GPC3: variants seen among roughly 807,000 people sequenced by gnomAD.
GPC3 encodes the protein glypican 3, also known as glypican-3.
Under a neutral mutation model 34.4 loss-of-function variants are expected in GPC3, and 3 were observed. The observed-to-expected ratio is 0.09, with a 90% confidence interval of 0.04 to 0.23. GPC3 has a LOEUF of 0.23. GPC3 is among the 10% of genes least tolerant of loss of function. The pLI is 1.00. For synonymous variants in GPC3, 177 were observed against 174.0 expected (o/e 1.02, Z -0.13); for missense variants, 351 against 445.6 (o/e 0.79, Z 1.91).
At chrX:133,701,553 G>A in intron 3 of GPC3, among the ~76,000 whole-genome samples, 1 of 112,493 alleles carries the variant, frequency 8.9e-6, no homozygotes, top group Non-Finnish European at 1.9e-5. Context: ...TGAATATATG[G>A]ACTGTAAACT....
At chrX:133,962,375 T>C (rs951186077) in intron 1 of GPC3, among the ~76,000 whole-genome samples, 14 of 111,941 alleles carry the variant, frequency 1.3e-4, no homozygotes, top group South Asian at 3.8e-4. Context: ...AAGGGGCCCA[T>C]TGTAGTTTGG....
rs2069290892 is a variant in GPC3 at position 133,536,267 on chromosome X, C to T, written c.1600G>A (p.Asp534Asn). Residue 534 changes from aspartate to asparagine, a missense_variant, in exon 8 of 8, where the codon GAT (aspartate) becomes AAT (asparagine). Physicochemically the swap from Asp to Asn is conservative, Grantham distance 23 (BLOSUM62 1). Transcript: ENST00000370818. ...GCCTGCTGACTGTTTCCAGGCGCAT[C>T]ATCCACATCCAGATCATAGGCCAGT... ...AELAYDLDVD[D>N]APGNSQQATP... 7 of 1,205,048 alleles carry T rather than the reference C, an allele frequency of 5.8e-6. No individual in the cohort carries two copies. Among genetic ancestry groups the T allele is most frequent in the Non-Finnish European group, 7.9e-6 (7 of 889,746 alleles).
intron 6 of GPC3, among the ~76,000 whole-genome samples, chrX:133,642,995 T>C (rs1343680911): frequency 3.6e-5 from 4 of 111,300 alleles, no homozygotes; most frequent in Non-Finnish European, 5.7e-5. Flanking sequence ...CCTAAGGAGT[T>C]GGACTGGCCA....
At chrX:133,701,973 G>A (rs1311026159) in intron 3 of GPC3, among the ~76,000 whole-genome samples, 5 of 112,380 alleles carry the variant, frequency 4.4e-5, no homozygotes, top group Non-Finnish European at 7.5e-5. Flanking sequence ...AACAAAAGCC[G>A]AAGACACTTA....
intron 7 of GPC3, among the ~76,000 whole-genome samples, chrX:133,562,806 C>A (rs911817305): frequency 1.8e-5 from 2 of 110,721 alleles, no homozygotes; most frequent in Admixed American, 1.9e-4. Context: ...ACCATAGAAC[C>A]ATTATGGGAG....
chrX:133,788,112 ATATATATATATG>A (rs1274554297), intron 2 of GPC3, among the ~76,000 whole-genome samples: 5 of 89,858 alleles, frequency 5.6e-5, no homozygotes, highest in African/African-American at 2.4e-4. Context: ...ATATATATAT[ATATATATATATG>A]TATGTATATA....
At chrX:133,840,822 T>C (rs1244608229) in intron 2 of GPC3, among the ~76,000 whole-genome samples, 1 of 110,969 alleles carries the variant, frequency 9.0e-6, no homozygotes, top group Non-Finnish European at 1.9e-5. Context: ...AAATAATTTT[T>C]GAAAAGGTAG....
At chrX:133,607,342 T>A (rs1325020531) in intron 6 of GPC3, among the ~76,000 whole-genome samples, 1 of 111,641 alleles carries the variant, frequency 9.0e-6, no homozygotes, top group Non-Finnish European at 1.9e-5. Flanking sequence ...TGACACATAG[T>A]GGGTGCTCAG....
chrX:133,901,565 C>T (rs540935653), intron 2 of GPC3, among the ~76,000 whole-genome samples: 1 of 111,073 alleles, frequency 9.0e-6, no homozygotes, highest in East Asian at 2.8e-4. Context: ...CTTAGCCTCC[C>T]GAGTAGCTGG....
chrX:133,736,042 T>A (rs1339880170), intron 3 of GPC3, among the ~76,000 whole-genome samples: 1 of 110,410 alleles, frequency 9.1e-6, no homozygotes, highest in Non-Finnish European at 1.9e-5. Flanking sequence ...AATTGAACAA[T>A]GAAATGACAA....
rs183664113 is a variant in GPC3, at chrX:133,841,971, C to A, written c.338-87795G>T. Among the ~76,000 whole-genome samples the A allele has an allele frequency of 2.5e-3, 280 of 112,435 alleles. 1 individual carries two copies. Among genetic ancestry groups the A allele is most frequent in the African/African-American group, 8.5e-3 (262 of 30,991 alleles). The stretch of plus-strand genomic sequence containing the variant: ...ACTCGGACTGGCTCTCCTTGCTCCG[C>A]AAGCTTGCAGACAGCCTATTGTGGG... On this transcript the variant is annotated intron_variant, in intron 2 of 7. Transcript: ENST00000370818.
chrX:133,727,406 C>T (rs1224518554), intron 3 of GPC3, among the ~76,000 whole-genome samples: 2 of 110,268 alleles, frequency 1.8e-5, no homozygotes, highest in East Asian at 2.9e-4. Context: ...AAAAATTAGC[C>T]GGGCATGGTG....
In GPC3 at chrX:133,967,671, C is replaced by G. The variant is rs748123839; in HGVS notation, c.176-14460G>C. On this transcript the variant is annotated intron_variant, in intron 1 of 7. Transcript: ENST00000370818. Reference sequence around the variant, plus strand: ...GAGACAAGATTTTACTCCCGTTGCCCAGGCTGGAGTGCAATGGTGCAATCT... The same window carrying G: ...GAGACAAGATTTTACTCCCGTTGCCGAGGCTGGAGTGCAATGGTGCAATCT... 2.1e-3 allele frequency among the ~76,000 whole-genome samples: 239 copies of G among 112,336 alleles called. 2 individuals carry two copies. Among genetic ancestry groups the G allele is most frequent in the Non-Finnish European group, 4.1e-3 (219 of 53,219 alleles).
At chrX:133,928,192 A>T (rs1011411985) in intron 2 of GPC3, among the ~76,000 whole-genome samples, 3 of 110,218 alleles carry the variant, frequency 2.7e-5, no homozygotes, top group African/African-American at 6.6e-5. Context: ...TTCCCCTTTA[A>T]TGTCCTCCAG....
At chrX:133,922,885 C>A (rs931343266) in intron 2 of GPC3, among the ~76,000 whole-genome samples, 3 of 111,354 alleles carry the variant, frequency 2.7e-5, no homozygotes, top group African/African-American at 6.5e-5. Context: ...CACCTTTTCC[C>A]AGCTTATTTA....
intron 6 of GPC3, among the ~76,000 whole-genome samples, chrX:133,661,269 C>T (rs2070713469): frequency 8.9e-6 from 1 of 111,985 alleles, no homozygotes; most frequent in Admixed American, 9.5e-5. Context: ...CTACAAATCA[C>T]TTGTGGATTT....
chrX:133,745,250 T>C (rs1219306541), intron 3 of GPC3, among the ~76,000 whole-genome samples: 1 of 112,286 alleles, frequency 8.9e-6, no homozygotes, highest in East Asian at 2.8e-4. Context: ...TTCTTGGACT[T>C]CTGCCTACTT....
chrX:133,650,448 CA>C (rs2070588428), intron 6 of GPC3, among the ~76,000 whole-genome samples: 2 of 92,336 alleles, frequency 2.2e-5, no homozygotes, highest in African/African-American at 4.0e-5. Flanking sequence ...AACACACCCA[CA>C]CACCCACCCA....
At chrX:133,964,550 A>G (rs2076454941) in intron 1 of GPC3, among the ~76,000 whole-genome samples, 2 of 112,542 alleles carry the variant, frequency 1.8e-5, no homozygotes, top group South Asian at 7.4e-4. Context: ...TAACTCACCA[A>G]TGATGACACA....
Sources: gnomAD v4.1 joint callset for allele counts (sites outside exome capture counted in the v4.1 genomes callset) on GRCh38, gnomAD v4.1.1 for gene constraint, MANE v1.5 for transcripts, NCBI Gene and HGNC (gene_info 2026-07-23, HGNC 2026-07-21) for gene names.